The following TRPM3 variants were observed in gnomAD, a reference collection of about 807,000 sequenced individuals.
The protein encoded by TRPM3 is long transient receptor potential channel 3.
Under a neutral mutation model 181.2 loss-of-function variants are expected in TRPM3, and 77 were observed. The ratio of observed to expected loss-of-function variants is 0.42; its 90% confidence interval spans 0.35 to 0.51. The LOEUF is 0.51. Among genes scored for constraint, TRPM3 ranks in the 20% least tolerant of loss-of-function variants. The pLI is 0.01. For missense variants in TRPM3, 1,759 were observed against 2,196.7 expected (o/e 0.80, Z 3.98); for synonymous variants, 745 against 796.4 (o/e 0.94, Z 1.09).
At chr9:70,739,136 G>T (rs943756776) in intron 8 of TRPM3, among the ~76,000 whole-genome samples, 1 of 152,116 alleles carries the variant, frequency 6.6e-6, no homozygotes, top group Non-Finnish European at 1.5e-5. Context: ...TGTGAAGCCA[G>T]TATCACCCTA....
rs1304547135 is a variant in TRPM3, at chr9:70,811,764, A to G, written c.973+16083T>C. ...AGTGTTTAGCTACTTTTGACTTAAA[A>G]GAACTATCCATTTAGAGGCTAATCT... On this transcript the variant is annotated intron_variant, in intron 6 of 25. Coordinates refer to ENST00000677713, the MANE Select transcript of TRPM3 (RefSeq NM_001366145.2). 5.9e-5 allele frequency among the ~76,000 whole-genome samples: 9 copies of G among 152,318 alleles called. No homozygotes were observed. In the East Asian group the frequency reaches 1.7e-3, roughly 29 times the overall value.
At chr9:70,772,399 C>T (rs970266577) in intron 7 of TRPM3, among the ~76,000 whole-genome samples, 2 of 151,662 alleles carry the variant, frequency 1.3e-5, no homozygotes, top group Non-Finnish European at 2.9e-5. Flanking sequence ...CTCATTGCAG[C>T]ATCAACCTCC....
intron 1 of TRPM3, among the ~76,000 whole-genome samples, chr9:71,328,785 A>G (rs997275546): frequency 6.6e-6 from 1 of 152,170 alleles, no homozygotes; most frequent in Non-Finnish European, 1.5e-5. Flanking sequence ...CTGCTCTGAT[A>G]TTTTTATATT....
chr9:70,583,609 T>G (rs2056483249), intron 22 of TRPM3, among the ~76,000 whole-genome samples: 1 of 152,200 alleles, frequency 6.6e-6, no homozygotes, highest in Non-Finnish European at 1.5e-5. Context: ...TTGTGGAAGG[T>G]GATGAATGAT....
chr9:71,168,178 C>T (rs1042476302), intron 1 of TRPM3, among the ~76,000 whole-genome samples: 12 of 152,130 alleles, frequency 7.9e-5, no homozygotes, highest in African/African-American at 2.9e-4. Context: ...GAAGGAAATT[C>T]TAGAAGGCTT....
chr9:71,026,291 C>T (rs752236443), intron 1 of TRPM3, among the ~76,000 whole-genome samples: 2 of 152,300 alleles, frequency 1.3e-5, no homozygotes, highest in East Asian at 1.9e-4. Flanking sequence ...CATCTGCTGG[C>T]CTCTCCCAGG....
intron 22 of TRPM3, among the ~76,000 whole-genome samples, chr9:70,565,785 C>G (rs916239642): frequency 2.6e-5 from 4 of 152,180 alleles, no homozygotes; most frequent in Admixed American, 2.6e-4. Context: ...AAGGCACTAA[C>G]CTTGGGTAGG....
intron 1 of TRPM3, among the ~76,000 whole-genome samples, chr9:71,428,973 C>T (rs981484009): frequency 1.3e-4 from 18 of 140,578 alleles, no homozygotes; most frequent in Non-Finnish European, 2.3e-4. Context: ...AAAAAGGAAA[C>T]AGGCTTTTTA....
chr9:71,351,226 A>G (rs1032671910), intron 1 of TRPM3, among the ~76,000 whole-genome samples: 1 of 152,240 alleles, frequency 6.6e-6, no homozygotes, highest in Non-Finnish European at 1.5e-5. Context: ...GAATACAACC[A>G]GAGTGTTGGC....
chr9:70,562,462 C>T (rs924391673), intron 22 of TRPM3, among the ~76,000 whole-genome samples: 18 of 152,326 alleles, frequency 1.2e-4, no homozygotes, highest in African/African-American at 4.3e-4. Flanking sequence ...TAGCCTCCAA[C>T]TCTTCAGGGC....
chr9:71,307,730 G>C (rs901544222), intron 1 of TRPM3, among the ~76,000 whole-genome samples: 1 of 152,020 alleles, frequency 6.6e-6, no homozygotes, highest in South Asian at 2.1e-4. Context: ...CCCACTAGAA[G>C]TATGTCTATT....
At chr9:71,292,441 AGAGG>A (rs2085896353) in intron 1 of TRPM3, among the ~76,000 whole-genome samples, 1 of 152,024 alleles carries the variant, frequency 6.6e-6, no homozygotes, top group South Asian at 2.1e-4. Context: ...ATTTTTTTAT[AGAGG>A]GAGGAATAAA....
At chr9:71,078,947 C>T (rs943501699) in intron 1 of TRPM3, among the ~76,000 whole-genome samples, 2 of 152,198 alleles carry the variant, frequency 1.3e-5, no homozygotes, top group Non-Finnish European at 2.9e-5. Flanking sequence ...AGCCTGCTTT[C>T]CCCACTGATC....
chr9:71,315,626 G>T (rs1244901915), intron 1 of TRPM3, among the ~76,000 whole-genome samples: 2 of 151,960 alleles, frequency 1.3e-5, no homozygotes, highest in Non-Finnish European at 2.9e-5. Context: ...ATTTCCTCCA[G>T]CTCATTTATT....
At chr9:71,127,034 A>G (rs937776388) in intron 1 of TRPM3, among the ~76,000 whole-genome samples, 1 of 151,046 alleles carries the variant, frequency 6.6e-6, no homozygotes, top group African/African-American at 2.4e-5. Flanking sequence ...GCCATTAATC[A>G]TTCTTCACGT....
At chr9:70,747,100 TTGAG>T (rs1419096623) in intron 8 of TRPM3, among the ~76,000 whole-genome samples, 1 of 152,210 alleles carries the variant, frequency 6.6e-6, no homozygotes, top group African/African-American at 2.4e-5. Flanking sequence ...TAAAGATTTA[TTGAG>T]TGTCTGCTAT....
intron 8 of TRPM3, among the ~76,000 whole-genome samples, chr9:70,749,016 A>C (rs2075671273): frequency 1.3e-5 from 2 of 151,294 alleles, no homozygotes; most frequent in South Asian, 2.1e-4. Context: ...GTTGCATGCC[A>C]ACACAACCAG....
At chr9:70,995,673 T>C (rs1239500969) in intron 1 of TRPM3, among the ~76,000 whole-genome samples, 2 of 152,172 alleles carry the variant, frequency 1.3e-5, no homozygotes, top group Non-Finnish European at 2.9e-5. Context: ...TTTGTTTTAA[T>C]TAGCTATGTC....
intron 8 of TRPM3, among the ~76,000 whole-genome samples, chr9:70,752,029 TGTGTGTGTGTGTGTGTGTGTGCGCGC>T (rs763364166): frequency 8.6e-6 from 1 of 116,168 alleles, no homozygotes; most frequent in East Asian, 2.8e-4. Flanking sequence ...TGTGTGTGTG[TGTGTGTGTGTGTGTGTGTGTGCGCGC>T]GCGCGCGCAT....
Sources: allele counts gnomAD v4.1 joint callset (sites outside exome capture counted in the v4.1 genomes callset), GRCh38; gene constraint gnomAD v4.1.1; transcripts MANE v1.5; gene names NCBI Gene and HGNC (gene_info 2026-07-23, HGNC 2026-07-21).